The following CRYBG1 variants were observed in gnomAD, a reference collection of about 807,000 sequenced individuals.
The protein encoded by CRYBG1 is beta/gamma crystallin domain-containing protein 1.
In CRYBG1, 139 loss-of-function variants were observed where a neutral mutation model predicts 189.2. The ratio of observed to expected loss-of-function variants is 0.73; its 90% CI spans 0.64 to 0.85. CRYBG1 has a LOEUF of 0.85. Ranked by LOEUF, CRYBG1 falls within the 40% of genes least tolerant of loss-of-function variation. The pLI, the probability that CRYBG1 is intolerant of heterozygous loss-of-function variation, is 0.00. For synonymous variants in CRYBG1, 1,023 were observed against 1,017.1 expected (o/e 1.01, Z -0.11); for missense variants, 2,611 against 2,675.8 (o/e 0.98, Z 0.53).
rs5878888 is a variant in CRYBG1 at position 106,432,840 on chromosome 6, C to CTTTTTTT, written c.174-18843_174-18837dup. ...ATACTATTTTCTTTTTCTTTTCTTT[C>CTTTTTTT]TTTTTTTTTTTTTTTTTGAGACAGA... On this transcript the variant is annotated intron_variant, in intron 1 of 21. Coordinates refer to ENST00000633556, the MANE Select transcript of CRYBG1 (RefSeq NM_001371242.2). Among the ~76,000 whole-genome samples, 104 of 128,838 alleles carry CTTTTTTT rather than the reference C, an allele frequency of 8.1e-4. 2 individuals are homozygous for CTTTTTTT. The highest frequency in any genetic ancestry group is 1.1e-3 in the Non-Finnish European group (66 of 62,800). The allele number at this position is 128,838 out of a possible 152,430, so 84.5% of individuals were successfully genotyped here.
At chr6:106,517,931 G>T (rs980303714) in intron 3 of CRYBG1, among the ~76,000 whole-genome samples, 2 of 152,108 alleles carry the variant, frequency 1.3e-5, no homozygotes, top group Non-Finnish European at 2.9e-5. Context: ...GAAATGTGAC[G>T]GAGAGAGGGG....
At chr6:106,395,198 C>T (rs1770580242) in intron 1 of CRYBG1, among the ~76,000 whole-genome samples, 1 of 151,662 alleles carries the variant, frequency 6.6e-6, no homozygotes, top group Non-Finnish European at 1.5e-5. Flanking sequence ...AGTTTGAGAT[C>T]AGTCTGGGCA....
intron 2 of CRYBG1, among the ~76,000 whole-genome samples, chr6:106,476,109 A>G (rs1562079422): frequency 6.6e-6 from 1 of 152,242 alleles, no homozygotes; most frequent in Non-Finnish European, 1.5e-5. Context: ...AGCCCCACCT[A>G]ACTCATATGG....
intron 1 of CRYBG1, among the ~76,000 whole-genome samples, chr6:106,443,715 T>TA (rs979707897): frequency 2.0e-5 from 3 of 152,126 alleles, no homozygotes; most frequent in African/African-American, 7.2e-5. Flanking sequence ...ATAATTTTTT[T>TA]TTCATTTTTA....
In CRYBG1 at chr6:106,544,784, A is replaced by G. The variant is rs752926478; in HGVS notation, c.5167-4A>G. On this transcript the variant is annotated splice_region_variant and splice_polypyrimidine_tract_variant and intron_variant, in intron 12 of 21. Coordinates refer to ENST00000633556, the MANE Select transcript of CRYBG1 (RefSeq NM_001371242.2). Reference sequence around the variant, plus strand: ...TTTGAATTTTGAATTTTTTTTCTCAATAGGATTTTTCAAATGCTCACATGA... The same window carrying G: ...TTTGAATTTTGAATTTTTTTTCTCAGTAGGATTTTTCAAATGCTCACATGA... 7 of 1,602,578 alleles carry G rather than the reference A, an allele frequency of 4.4e-6. No homozygotes were observed. The highest frequency in any genetic ancestry group is 2.2e-5 in the South Asian group (2 of 88,904).
In CRYBG1 at chr6:106,552,232, T is replaced by C. The variant is rs773783212; in HGVS notation, c.5472+16T>C. 1.4e-6 allele frequency: 2 copies of C among 1,471,348 alleles called. No homozygotes were observed. The highest frequency in any genetic ancestry group is 1.8e-6 in the Non-Finnish European group (2 of 1,085,326). The allele number at this position is 1,471,348 out of a possible 1,614,324, so 91.1% of individuals were successfully genotyped here. On this transcript the variant is annotated intron_variant, in intron 15 of 21. Coordinates refer to ENST00000633556, the MANE Select transcript of CRYBG1 (RefSeq NM_001371242.2). ...ACGAAATCAGGTAACTTTAAAAATA[T>C]TCTTTTATATTAATATATAAAGGGC...
chr6:106,449,401 T>C (rs1480718767), intron 1 of CRYBG1: 2 of 152,444 alleles, frequency 1.3e-5, no homozygotes, highest in Non-Finnish European at 2.9e-5. Context: ...CCACCCTAAA[T>C]GCACCTGATC....
At position 106,527,335 on chromosome 6, in the gene CRYBG1, A is replaced by G; in HGVS notation, c.4443A>G (p.Glu1481=). The change falls in exon 7 of 22, where the codon GAA becomes GAG. Residue 1481 remains glutamate (E), a synonymous_variant. Transcript: ENST00000633556. ...TTTTGTATGAGCAACCAAATTTTGA[A>G]GGGCACTCCATCCCCTTAGAAGAAG... The part of the protein sequence containing the change: ...CWILYEQPNF[E]GHSIPLEEGE... 1 of 1,611,240 alleles carries G rather than the reference A, an allele frequency of 6.2e-7. No homozygotes were observed. Among genetic ancestry groups the G allele is most frequent in the Non-Finnish European group, 8.5e-7 (1 of 1,178,818 alleles).
intron 21 of CRYBG1, among the ~76,000 whole-genome samples, chr6:106,568,017 A>G (rs1048349105): frequency 6.9e-6 from 1 of 144,430 alleles, no homozygotes; most frequent in Non-Finnish European, 1.5e-5. Context: ...TTCCTCGATA[A>G]CCATTCCTCC....
chr6:106,476,347 C>A (rs1772334293), intron 2 of CRYBG1, among the ~76,000 whole-genome samples: 1 of 152,158 alleles, frequency 6.6e-6, no homozygotes, highest in Non-Finnish European at 1.5e-5. Flanking sequence ...GCTCTAGGAT[C>A]TGGGGCAACT....
chr6:106,370,809 G>A (rs746550990), intron 1 of CRYBG1, among the ~76,000 whole-genome samples: 6 of 152,086 alleles, frequency 3.9e-5, no homozygotes, highest in Non-Finnish European at 7.4e-5. Context: ...TTTGACAGGA[G>A]CCCAACTGAC....
At chr6:106,453,354 G>T (rs1252854837) in intron 2 of CRYBG1, among the ~76,000 whole-genome samples, 2 of 151,958 alleles carry the variant, frequency 1.3e-5, no homozygotes, top group East Asian at 3.9e-4. Context: ...TATCAATAAG[G>T]GTACCAGAAA....
chr6:106,401,211 G>A (rs1007141859), intron 1 of CRYBG1, among the ~76,000 whole-genome samples: 2 of 152,042 alleles, frequency 1.3e-5, no homozygotes, highest in African/African-American at 4.8e-5. Flanking sequence ...TAATAGAGTT[G>A]GATTCATTTT....
intron 2 of CRYBG1, among the ~76,000 whole-genome samples, chr6:106,457,602 ATG>A (rs1771915624): frequency 1.3e-5 from 2 of 152,312 alleles, no homozygotes; most frequent in African/African-American, 4.8e-5. Context: ...TTCTATTGGG[ATG>A]TCATTTTAAA....
intron 10 of CRYBG1, among the ~76,000 whole-genome samples, chr6:106,542,203 G>T (rs1582828237): frequency 6.9e-6 from 1 of 145,770 alleles, no homozygotes; most frequent in Non-Finnish European, 1.5e-5. Flanking sequence ...CCATGGCTTT[G>T]GGCTATACCA....
chr6:106,534,562 A>C (rs777424156), intron 8 of CRYBG1, among the ~76,000 whole-genome samples: 2 of 151,616 alleles, frequency 1.3e-5, no homozygotes, highest in African/African-American at 2.4e-5. Flanking sequence ...TGTAGAGGGA[A>C]CTCCTTAAGA....
At chr6:106,538,950 C>T (rs1014567118) in intron 8 of CRYBG1, among the ~76,000 whole-genome samples, 1 of 151,828 alleles carries the variant, frequency 6.6e-6, no homozygotes, top group African/African-American at 2.4e-5. Flanking sequence ...ATCATTCCAG[C>T]CTTTCATACT....
In CRYBG1 at chr6:106,512,763, G is replaced by C. The variant is rs1367587945; in HGVS notation, c.1646G>C (p.Ser549Thr). 2 of 1,578,434 alleles carry C rather than the reference G, an allele frequency of 1.3e-6. No homozygotes were observed. The highest frequency in any genetic ancestry group is 1.7e-6 in the Non-Finnish European group (2 of 1,162,078). ...ESPPKRVPDP[S>T]PVTKGTAAES... is the part of the protein sequence containing the mutation. ...CCACCCAAGAGGGTGCCCGATCCCA[G>C]CCCAGTCACCAAGGGCACTGCGGCC... The change falls in exon 3 of 22, where the codon AGC (serine) becomes ACC (threonine). Residue 549 changes from serine (S) to threonine (T), a missense_variant. By Grantham distance (58) the Ser-to-Thr change is moderately conservative. This residue lies in a region of CRYBG1 where 985 missense variants were observed against 924.4 expected (regional missense o/e 1.07). Coordinates refer to ENST00000633556, the MANE Select transcript of CRYBG1 (RefSeq NM_001371242.2).
intron 2 of CRYBG1, among the ~76,000 whole-genome samples, chr6:106,472,495 T>C (rs1248192909): frequency 6.6e-6 from 1 of 151,744 alleles, no homozygotes; most frequent in African/African-American, 2.4e-5. Flanking sequence ...TAAAAAACAG[T>C]ACACTAAACA....
Sources: allele counts gnomAD v4.1 joint callset (sites outside exome capture counted in the v4.1 genomes callset), GRCh38; gene constraint gnomAD v4.1.1; regional missense constraint gnomAD v4.1.1; transcripts MANE v1.5; gene names NCBI Gene and HGNC (gene_info 2026-07-23, HGNC 2026-07-21).